Variants in KCNJ6 observed in about 807,000 individuals in gnomAD.
KCNJ6 encodes potassium inwardly rectifying channel subfamily J member 6.
KCNJ6 carries 9 observed loss-of-function variants against 34.2 expected under a neutral mutation model. That is an observed-to-expected ratio of 0.26 (90% CI 0.16 to 0.46). The LOEUF (loss-of-function observed/expected upper bound fraction) is 0.46. Ranked by LOEUF, KCNJ6 falls within the 20% of genes least tolerant of loss-of-function variation. The pLI is 1.00. For missense variants in KCNJ6, 236 were observed against 531.3 expected (o/e 0.44, Z 5.46); for synonymous variants, 196 against 207.1 (o/e 0.95, Z 0.46).
In KCNJ6 at chr21:37,637,165, G is replaced by C. The variant is rs952280769; in HGVS notation, c.947-11681C>G. ...TTTCATGTGGGAGAATGATGTTGGT[G>C]ATTAACCAAGCCCAGTGTCAAAAAG... On this transcript the variant is annotated intron_variant, in intron 3 of 3. Coordinates refer to ENST00000609713, the MANE Select transcript of KCNJ6 (RefSeq NM_002240.5). 2.0e-5 allele frequency among the ~76,000 whole-genome samples: 3 copies of C among 152,212 alleles called. No homozygotes were observed. The South Asian group carries it at 6.2e-4, about 31-fold the overall frequency.
intron 1 of KCNJ6, among the ~76,000 whole-genome samples, chr21:37,908,909 T>A (rs2055854438): frequency 6.6e-6 from 1 of 152,250 alleles, no homozygotes; most frequent in South Asian, 2.1e-4. Context: ...CTCCAGTGTG[T>A]TCACCCTACC....
chr21:37,908,285 T>C (rs1186808986), intron 1 of KCNJ6, among the ~76,000 whole-genome samples: 1 of 152,272 alleles, frequency 6.6e-6, no homozygotes, highest in Non-Finnish European at 1.5e-5. Flanking sequence ...GCTGTTCTTT[T>C]GCTTCTAGTG....
intron 2 of KCNJ6, among the ~76,000 whole-genome samples, chr21:37,716,293 C>A (rs2123453395): frequency 6.6e-6 from 1 of 152,080 alleles, no homozygotes; most frequent in African/African-American, 2.4e-5. Context: ...TGTGTGCTTA[C>A]ATATTTGATT....
rs2054242875 is a variant in KCNJ6 at position 37,611,621 on chromosome 21, T to C, written c.*13538A>G. On this transcript the variant is annotated 3_prime_UTR_variant, in exon 4 of 4. Coordinates refer to ENST00000609713, the MANE Select transcript of KCNJ6 (RefSeq NM_002240.5). The stretch of plus-strand genomic sequence containing the variant: ...TATTAGCAAATCAAGTCCAACAATA[T>C]ATGAAAATAATTAAACACCATGACC... 6.6e-6 allele frequency: 1 copy of C among 152,088 alleles called. No individual in the cohort carries two copies. The highest frequency in any genetic ancestry group is 2.4e-5 in the African/African-American group (1 of 41,410). The allele number at this position is 152,088 out of a possible 1,614,324, so 9.4% of individuals were successfully genotyped here.
intron 1 of KCNJ6, among the ~76,000 whole-genome samples, chr21:37,913,535 C>T (rs75890551): frequency 0.031 from 4,685 of 152,210 alleles, 276 homozygotes; most frequent in East Asian, 0.25. Flanking sequence ...AAGAATTTGG[C>T]TGGGCCGGAT....
At chr21:37,861,806 T>C (rs1323777881) in intron 1 of KCNJ6, among the ~76,000 whole-genome samples, 1 of 152,150 alleles carries the variant, frequency 6.6e-6, no homozygotes, top group Non-Finnish European at 1.5e-5. Context: ...TTGGATTGTG[T>C]TCACTAAAAT....
intron 2 of KCNJ6, among the ~76,000 whole-genome samples, chr21:37,719,183 C>G (rs1475051497): frequency 6.6e-6 from 1 of 152,072 alleles, no homozygotes; most frequent in African/African-American, 2.4e-5. Context: ...GGGCTGTGTC[C>G]AGAGTCATCA....
At chr21:37,796,833 C>CCGGACTG (rs1568851916) in intron 2 of KCNJ6, among the ~76,000 whole-genome samples, 2 of 123,626 alleles carry the variant, frequency 1.6e-5, no homozygotes, top group Non-Finnish European at 3.1e-5. Context: ...GTCGCCCAGG[C>CCGGACTG]CGGACTGCGG....
At chr21:37,800,224 C>T (rs1464282842) in intron 2 of KCNJ6, among the ~76,000 whole-genome samples, 1 of 152,108 alleles carries the variant, frequency 6.6e-6, no homozygotes, top group Non-Finnish European at 1.5e-5. Flanking sequence ...GCTGAGCTAG[C>T]ATGACACACC....
intron 3 of KCNJ6, among the ~76,000 whole-genome samples, chr21:37,670,630 T>C (rs1446768333): frequency 6.6e-6 from 1 of 152,160 alleles, no homozygotes; most frequent in Non-Finnish European, 1.5e-5. Context: ...CTGGGCATGG[T>C]GGTGCATGCT....
intron 2 of KCNJ6, among the ~76,000 whole-genome samples, chr21:37,785,813 T>C (rs1447058958): frequency 6.6e-6 from 1 of 152,154 alleles, no homozygotes; most frequent in African/African-American, 2.4e-5. Flanking sequence ...GAGCCAGAGA[T>C]TATTGGATCA....
intron 1 of KCNJ6, among the ~76,000 whole-genome samples, chr21:37,856,238 GT>G (rs2055564868): frequency 2.0e-5 from 3 of 152,290 alleles, no homozygotes; most frequent in African/African-American, 7.2e-5. Context: ...GCCATACAAT[GT>G]TGTGGCATTT....
At chr21:37,720,055 T>C (rs1176111944) in intron 2 of KCNJ6, among the ~76,000 whole-genome samples, 4 of 151,996 alleles carry the variant, frequency 2.6e-5, no homozygotes, top group Non-Finnish European at 5.9e-5. Flanking sequence ...AAGTCAAAGA[T>C]TGGAAGGAAA....
At chr21:37,775,826 C>A (rs980609112) in intron 2 of KCNJ6, among the ~76,000 whole-genome samples, 1 of 151,700 alleles carries the variant, frequency 6.6e-6, no homozygotes, top group Non-Finnish European at 1.5e-5. Context: ...ATTGCCTTGG[C>A]GATGCGGGCT....
intron 2 of KCNJ6, among the ~76,000 whole-genome samples, chr21:37,804,757 AT>A (rs1255561742): frequency 6.6e-6 from 1 of 152,134 alleles, no homozygotes; most frequent in Non-Finnish European, 1.5e-5. Context: ...TGGTCTCATT[AT>A]TTTTTATGGC....
intron 3 of KCNJ6, among the ~76,000 whole-genome samples, chr21:37,646,229 A>C (rs1203996653): frequency 6.6e-6 from 1 of 152,180 alleles, no homozygotes; most frequent in Admixed American, 6.5e-5. Flanking sequence ...TTTTTTATAT[A>C]TATTTCATAA....
chr21:37,810,713 AT>A (rs1187002889), intron 2 of KCNJ6, among the ~76,000 whole-genome samples: 1 of 152,024 alleles, frequency 6.6e-6, no homozygotes, highest in African/African-American at 2.4e-5. Context: ...TTGTTTGAAT[AT>A]TTTGCCAGTT....
At position 37,837,130 on chromosome 21, in the gene KCNJ6, C is replaced by T. The variant is rs73421492; in HGVS notation, c.25+3528G>A. Among the ~76,000 whole-genome samples, 223 of 152,242 alleles carry T rather than the reference C, an allele frequency of 1.5e-3. 1 individual carries two copies. The highest frequency in any genetic ancestry group is 5.2e-3 in the African/African-American group (216 of 41,546). ...ATCATATACCGTACATATATTTTCTCTATGCTTTGTGCGTGTTTTTGTTGT... is the reference window on the plus strand; with the variant it reads ...ATCATATACCGTACATATATTTTCTTTATGCTTTGTGCGTGTTTTTGTTGT... On this transcript the variant is annotated intron_variant, in intron 2 of 3. Coordinates refer to ENST00000609713, the MANE Select transcript of KCNJ6 (RefSeq NM_002240.5).
At chr21:37,743,610 T>C (rs1296640968) in intron 2 of KCNJ6, among the ~76,000 whole-genome samples, 3 of 152,104 alleles carry the variant, frequency 2.0e-5, no homozygotes, top group African/African-American at 7.2e-5. Flanking sequence ...CACCCTCTCT[T>C]ACCCTTCCAC....
Sources: allele counts gnomAD v4.1 joint callset (sites outside exome capture counted in the v4.1 genomes callset), GRCh38; gene constraint gnomAD v4.1.1; transcripts MANE v1.5; gene names NCBI Gene and HGNC (gene_info 2026-07-23, HGNC 2026-07-21).